The following CUL1 variants were observed in gnomAD, a reference collection of about 807,000 sequenced individuals.
CUL1 encodes cullin 1.
Under a neutral mutation model 118.0 loss-of-function variants are expected in CUL1, and 24 were observed. The observed-to-expected ratio is 0.20, with a 90% CI of 0.15 to 0.29. The LOEUF is 0.29. CUL1 is among the 10% of genes least tolerant of loss of function. The pLI is 1.00. For synonymous variants in CUL1, 332 were observed against 340.4 expected, an observed-to-expected ratio of 0.98 and a Z score of 0.27; for missense variants, 361 against 933.8, an observed-to-expected ratio of 0.39 and a Z score of 7.99.
chr7:148,736,284 GGAGGGAAAT>G (rs1798938626), intron 2 of CUL1, among the ~76,000 whole-genome samples: 1 of 152,166 alleles, frequency 6.6e-6, no homozygotes, highest in Non-Finnish European at 1.5e-5. Flanking sequence ...TGATCTTTCT[GGAGGGAAAT>G]TTAGAGATAT....
chr7:148,766,534 C>G (rs1800013384), intron 7 of CUL1, 27 bp from the exon 8 acceptor site: 3 of 1,573,694 alleles, frequency 1.9e-6, no homozygotes, highest in East Asian at 4.5e-5. Context: ...TGAATCAAAA[C>G]CATTCACTTG....
rs1030814372 is a variant in CUL1 at position 148,798,690 on chromosome 7, T to A, written c.2136+13T>A. 4.4e-6 allele frequency: 7 copies of A among 1,605,230 alleles called. No homozygotes were observed. Among genetic ancestry groups the A allele is most frequent in the Non-Finnish European group, 5.1e-6 (6 of 1,172,142 alleles). ...ACTACTGATTCAGGTGACTTATCTG[T>A]ATGCCTGTGCCAGGTGTGCTGTCCC... is the stretch of plus-strand genomic sequence containing the variant. On this transcript the variant is annotated intron_variant, in intron 20 of 21. Coordinates refer to ENST00000325222, the MANE Select transcript of CUL1 (RefSeq NM_003592.3).
intron 7 of CUL1, among the ~76,000 whole-genome samples, chr7:148,764,426 A>G (rs769564828): frequency 1.6e-4 from 24 of 152,168 alleles, no homozygotes; most frequent in Admixed American, 7.9e-4. Context: ...TTGGCCATGA[A>G]TGTTTCTGTA....
intron 1 of CUL1, among the ~76,000 whole-genome samples, chr7:148,708,391 T>C (rs1340857578): frequency 6.6e-6 from 1 of 152,224 alleles, no homozygotes; most frequent in Non-Finnish European, 1.5e-5. Flanking sequence ...TATTCAGTGA[T>C]CTACCAAATC....
At chr7:148,725,248 C>CACACACACACACACACACA (rs3222168) in intron 1 of CUL1, among the ~76,000 whole-genome samples, 1 of 151,270 alleles carries the variant, frequency 6.6e-6, no homozygotes, top group Non-Finnish European at 1.5e-5. Flanking sequence ...CACACACACA[C>CACACACACACACACACACA]CCGTACCCCT....
chr7:148,756,914 T>G (rs1430113017), intron 3 of CUL1, 69 bp from the exon 4 acceptor site: 4 of 1,103,754 alleles, frequency 3.6e-6, no homozygotes, highest in Non-Finnish European at 5.1e-6. Context: ...GTAGATGTTA[T>G]TCACCGTTAT....
At chr7:148,775,301 A>C (rs993704630) in intron 9 of CUL1, among the ~76,000 whole-genome samples, 6 of 152,236 alleles carry the variant, frequency 3.9e-5, no homozygotes, top group African/African-American at 1.4e-4. Context: ...ACAGAACCTT[A>C]CATTTGGAGT....
At chr7:148,783,631 A>G (rs1328282028) in intron 9 of CUL1, 152 bp from the exon 10 acceptor site, 6 of 1,539,616 alleles carry the variant, frequency 3.9e-6, no homozygotes, top group Non-Finnish European at 5.2e-6. Flanking sequence ...CAACGATGGT[A>G]CCAAAAGTAT....
chr7:148,713,804 A>G (rs185001744), intron 1 of CUL1, among the ~76,000 whole-genome samples: 7 of 152,274 alleles, frequency 4.6e-5, no homozygotes, highest in African/African-American at 1.7e-4. Flanking sequence ...GCTCACTGCA[A>G]CCTCCACCTT....
At chr7:148,743,027 G>A (rs1799195344) in intron 2 of CUL1, among the ~76,000 whole-genome samples, 1 of 152,090 alleles carries the variant, frequency 6.6e-6, no homozygotes. Flanking sequence ...CACTTTATTT[G>A]ACCTTTGAAT....
intron 13 of CUL1, among the ~76,000 whole-genome samples, chr7:148,788,244 A>G (rs1800885597): frequency 1.3e-5 from 2 of 152,240 alleles, no homozygotes. Context: ...TTCTGGTAAG[A>G]GATAGAGACA....
intron 2 of CUL1, among the ~76,000 whole-genome samples, chr7:148,733,430 A>G (rs1466207615): frequency 6.6e-6 from 1 of 152,250 alleles, no homozygotes; most frequent in East Asian, 1.9e-4. Flanking sequence ...ATCTTCACTT[A>G]AAGCCATTTA....
At chr7:148,718,048 C>G (rs1253805382) in intron 1 of CUL1, among the ~76,000 whole-genome samples, 1 of 152,174 alleles carries the variant, frequency 6.6e-6, no homozygotes, top group Non-Finnish European at 1.5e-5. Context: ...AGCTAACTTT[C>G]TGGTAGAATA....
At chr7:148,711,691 A>G (rs569836139) in intron 1 of CUL1, among the ~76,000 whole-genome samples, 2 of 152,260 alleles carry the variant, frequency 1.3e-5, no homozygotes, top group Non-Finnish European at 2.9e-5. Context: ...AAATAATAGA[A>G]AGGGGTGTCT....
intron 1 of CUL1, among the ~76,000 whole-genome samples, chr7:148,725,207 A>ATG (rs1563150988): frequency 9.3e-6 from 1 of 107,644 alleles, no homozygotes; most frequent in Non-Finnish European, 2.1e-5. Flanking sequence ...GTACACACAC[A>ATG]CACACGCGCG....
intron 11 of CUL1, among the ~76,000 whole-genome samples, chr7:148,785,404 G>T (rs1260849502): frequency 2.0e-5 from 3 of 151,826 alleles, no homozygotes; most frequent in African/African-American, 7.3e-5. Flanking sequence ...TGTCGCCCAT[G>T]CTGGAGTGCA....
chr7:148,721,864 C>A (rs1049678968), intron 1 of CUL1, among the ~76,000 whole-genome samples: 1 of 151,930 alleles, frequency 6.6e-6, no homozygotes, highest in African/African-American at 2.4e-5. Flanking sequence ...TGGGTTGTTT[C>A]CAGGTTTGTT....
intron 2 of CUL1, among the ~76,000 whole-genome samples, chr7:148,735,807 G>A (rs1798919352): frequency 1.3e-5 from 2 of 152,084 alleles, no homozygotes; most frequent in Admixed American, 1.3e-4. Context: ...GCATAAGTCT[G>A]TAAAAGGACA....
chr7:148,710,287 C>G (rs1798008356), intron 1 of CUL1, among the ~76,000 whole-genome samples: 1 of 127,132 alleles, frequency 7.9e-6, no homozygotes, highest in East Asian at 2.1e-4. Flanking sequence ...ATAAAAAATA[C>G]CAGTGGGCCG....
Sources: allele counts gnomAD v4.1 joint callset (sites outside exome capture counted in the v4.1 genomes callset), GRCh38; gene constraint gnomAD v4.1.1; transcripts MANE v1.5; gene names NCBI Gene and HGNC (gene_info 2026-07-23, HGNC 2026-07-21).